The following CHMP7 variants were observed in gnomAD, a reference collection of about 807,000 sequenced individuals.
The protein encoded by CHMP7 is CHMP family, member 7.
CHMP7 carries 15 observed loss-of-function variants against 53.7 expected under a neutral mutation model. That is an observed-to-expected ratio of 0.28 (90% confidence interval 0.19 to 0.43). CHMP7 has a LOEUF of 0.43. CHMP7 is among the 20% of genes least tolerant of loss of function. The probability of loss-of-function intolerance (pLI) is 1.00; values close to 1 mark genes in which losing one functional copy is unlikely to be tolerated. For missense variants in CHMP7, 527 were observed against 569.4 expected (o/e 0.93, Z 0.76); for synonymous variants, 261 against 228.0 (o/e 1.14, Z -1.30).
chr8:23,248,487 GC>G (rs2128857010), intron 2 of CHMP7, among the ~76,000 whole-genome samples: 1 of 152,324 alleles, frequency 6.6e-6, no homozygotes, highest in African/African-American at 2.4e-5. Context: ...TTGAGGGCCG[GC>G]TGGCCTAGGC....
Position 23,260,181 on chromosome 8 carries a change from C to T in CHMP7, c.1158C>T (p.Ile386=), listed in dbSNP as rs1802327194. The T allele has an allele frequency of 6.2e-7, 1 of 1,614,138 alleles. No individual in the cohort carries two copies. The highest frequency in any genetic ancestry group is 8.5e-7 in the Non-Finnish European group (1 of 1,179,988). Residue 386 remains isoleucine (I), a synonymous_variant, in exon 10 of 11, where the codon ATC becomes ATT. Transcript: ENST00000397677. Reference sequence around the variant, plus strand: ...AAGAACTGGAGAAGGAATTGGACATCCTCCTTCAGGATACCACCAAAGAAC... The same window carrying T: ...AAGAACTGGAGAAGGAATTGGACATTCTCCTTCAGGATACCACCAAAGAAC... ...DSEELEKELD[I]LLQDTTKEPL... is the part of the protein sequence containing the mutation.
At chr8:23,244,988 A>T (rs1228946008) in intron 1 of CHMP7, among the ~76,000 whole-genome samples, 1 of 152,132 alleles carries the variant, frequency 6.6e-6, no homozygotes, top group Non-Finnish European at 1.5e-5. Context: ...TGTATCTGCA[A>T]TCTTGTTCTC....
chr8:23,259,434 C>T (rs1317177410), intron 9 of CHMP7, among the ~76,000 whole-genome samples: 4 of 151,540 alleles, frequency 2.6e-5, no homozygotes, highest in Admixed American at 6.6e-5. Context: ...ATTCTCGGCT[C>T]GCTGCAACCT....
chr8:23,246,604 G>C lies in CHMP7; in HGVS notation c.-92G>C. ...GGCGGTGACGTGTGAACGAGAAGGA[G>C]GTGGTCAAGGAACGGAAGCCGGGAG... On this transcript the variant is annotated 5_prime_UTR_variant, in exon 2 of 11. Coordinates refer to ENST00000397677, the MANE Select transcript of CHMP7 (RefSeq NM_152272.5). 1 of 1,074,848 alleles carries C rather than the reference G, an allele frequency of 9.3e-7. No individual in the cohort carries two copies. The highest frequency in any genetic ancestry group is 2.5e-5 in the Admixed American group (1 of 40,046). 66.6% of individuals were successfully genotyped at this position (1,074,848 alleles called of 1,614,324 possible).
rs553563631 is a variant in CHMP7, at chr8:23,246,944, C to T, written c.249C>T (p.Arg83=). Residue 83 remains arginine, a synonymous_variant, in exon 2 of 11, where the codon CGC becomes CGT. Coordinates refer to ENST00000397677, the MANE Select transcript of CHMP7 (RefSeq NM_152272.5). Reference sequence around the variant, plus strand: ...GGGACTTGCAGGAGGCCTTTCAGCGCAAGGGGAGCGTCCCGCTGGGGCTGG... The same window carrying T: ...GGGACTTGCAGGAGGCCTTTCAGCGTAAGGGGAGCGTCCCGCTGGGGCTGG... ...RLRDLQEAFQ[R]KGSVPLGLAT... is the part of the protein sequence containing the mutation. 5 of 1,554,710 alleles carry T rather than the reference C, an allele frequency of 3.2e-6. No individual in the cohort carries two copies. Among genetic ancestry groups the T allele is most frequent in the Non-Finnish European group, 4.3e-6 (5 of 1,152,054 alleles).
At chr8:23,244,800 T>C (rs1417390611) in intron 1 of CHMP7, among the ~76,000 whole-genome samples, 4 of 152,220 alleles carry the variant, frequency 2.6e-5, no homozygotes, top group African/African-American at 9.6e-5. Context: ...ATTTAGTCCT[T>C]CATAGATTTC....
At chr8:23,255,534 A>G (rs1585312327) in intron 4 of CHMP7, 102 bp downstream of exon 4, 1 of 1,034,060 alleles carries the variant, frequency 9.7e-7, no homozygotes, top group African/African-American at 1.6e-5. Flanking sequence ...AGTTTCAGTA[A>G]CCTGCCGTCA....
intron 9 of CHMP7, among the ~76,000 whole-genome samples, chr8:23,259,334 A>C (rs1464911595): frequency 1.4e-5 from 2 of 145,858 alleles, no homozygotes. Flanking sequence ...ATGCCCGGCT[A>C]ATTTTTTGTA....
chr8:23,260,545 C>A lies in CHMP7; in HGVS notation c.1308C>A (p.Val436=). 1 of 1,614,016 alleles carries A rather than the reference C, an allele frequency of 6.2e-7. No individual in the cohort carries two copies. Among genetic ancestry groups the A allele is most frequent in the African/African-American group, 1.3e-5 (1 of 75,020 alleles). The part of the protein sequence containing the change: ...EKLSLSEGGL[V]PSSKSPKRQL... ...CATTTCTTTGCCTTGCAGGTTTGGT[C>A]CCAAGCAGTAAATCTCCAAAAAGGC... Residue 436 remains valine, a synonymous_variant, in exon 11 of 11, where the codon GTC becomes GTA. Coordinates refer to ENST00000397677, the MANE Select transcript of CHMP7 (RefSeq NM_152272.5).
In CHMP7 at chr8:23,258,787, T is replaced by C. The variant is rs1802243356; in HGVS notation, c.1016T>C (p.Val339Ala). The change falls in exon 8 of 11, where the codon GTC becomes GCC. Residue 339 changes from valine to alanine, a missense_variant. Transcript: ENST00000397677. ...GCACTCAAACTCTCCATGAAGGATG[T>C]CACAGTGGAGAAGGCAGAGAGCCTC... ...VGALKLSMKD[V>A]TVEKAESLVD... is the part of the protein sequence containing the mutation. 2 of 1,613,618 alleles carry C rather than the reference T, an allele frequency of 1.2e-6. No individual in the cohort carries two copies. Among genetic ancestry groups the C allele is most frequent in the African/African-American group, 2.7e-5 (2 of 74,860 alleles).
At chr8:23,249,440 G>A (rs887879321) in intron 3 of CHMP7, 59 bp downstream of exon 3, 28 of 1,362,970 alleles carry the variant, frequency 2.1e-5, no homozygotes, top group East Asian at 1.5e-4. Context: ...CATCCTCCAC[G>A]TCCCTTGTGT....
intron 2 of CHMP7, 88 bp downstream of exon 2, chr8:23,247,082 C>A: frequency 7.7e-7 from 1 of 1,295,446 alleles, no homozygotes; most frequent in South Asian, 1.6e-5. Context: ...CTGCACAGCG[C>A]ACTGCGCCCA....
At chr8:23,244,453 A>G (rs888161684) in intron 1 of CHMP7, among the ~76,000 whole-genome samples, 2 of 152,136 alleles carry the variant, frequency 1.3e-5, no homozygotes, top group Non-Finnish European at 2.9e-5. Context: ...AGTTGACTGT[A>G]TTTACATGTG....
rs775480040 is a variant in CHMP7, at chr8:23,258,052, C to T, written c.811C>T (p.Arg271Trp). Residue 271 changes from arginine (R) to tryptophan (W), a missense_variant, in exon 6 of 11, where the codon CGG becomes TGG. Arg to Trp is a moderately radical substitution (Grantham distance 101). Transcript: ENST00000397677. ...TTCCAGGTGTAAAGAAGAAGCCCGC[C>T]GGGCATGCCGAGCAGGAAAGAAGCA... ...EAERCKEEAR[R>W]ACRAGKKQLA... is the part of the protein sequence containing the mutation. 26 of 1,613,096 alleles carry T rather than the reference C, an allele frequency of 1.6e-5. No individual in the cohort carries two copies. The highest frequency in any genetic ancestry group is 5.5e-5 in the South Asian group (5 of 91,022).
Position 23,258,749 on chromosome 8 carries a change from G to A in CHMP7, c.978G>A (p.Gln326=). 6.2e-7 allele frequency: 1 copy of A among 1,612,260 alleles called. No homozygotes were observed. Among genetic ancestry groups the A allele is most frequent in the Non-Finnish European group, 8.5e-7 (1 of 1,178,390 alleles). Residue 326 remains glutamine, a synonymous_variant, in exon 8 of 11, where the codon CAG becomes CAA. Transcript: ENST00000397677. The stretch of plus-strand genomic sequence containing the variant: ...GTCTTTAGGTTTTTAACGCCTACCA[G>A]GCTGGGGTAGGAGCACTCAAACTCT... ...QTDQMVFNAY[Q]AGVGALKLSM...
chr8:23,260,971 C>A lies in CHMP7; in HGVS notation c.*372C>A. On this transcript the variant is annotated 3_prime_UTR_variant, in exon 11 of 11. Coordinates refer to ENST00000397677, the MANE Select transcript of CHMP7 (RefSeq NM_152272.5). ...ATTTGCAGCTTTGCCAAATCTGAAT[C>A]AGTTCCCACTCCCCCCTGCGGTTTT... 1 of 284,746 alleles carries A rather than the reference C, an allele frequency of 3.5e-6. No individual in the cohort carries two copies. The highest frequency in any genetic ancestry group is 6.1e-5 in the South Asian group (1 of 16,318). The allele number at this position is 284,746 out of a possible 1,614,324, so 17.6% of individuals were successfully genotyped here. A position where few individuals can be genotyped will look rare whatever the true frequency, so the allele number is the denominator to read the frequency against.
At chr8:23,247,935 G>C (rs1387290233) in intron 2 of CHMP7, 12 of 326,000 alleles carry the variant, frequency 3.7e-5, no homozygotes, top group Non-Finnish European at 7.3e-5. Flanking sequence ...TTTTTTTTTA[G>C]TTTGCTGCTC....
chr8:23,249,181 C>T, intron 2 of CHMP7, 29 bp from the exon 3 acceptor site: 2 of 1,546,476 alleles, frequency 1.3e-6, no homozygotes, highest in South Asian at 1.3e-5. Flanking sequence ...TTAAGTGCTA[C>T]TACACGCCCT....
chr8:23,248,485 C>T (rs972985143), intron 2 of CHMP7, among the ~76,000 whole-genome samples: 6 of 152,176 alleles, frequency 3.9e-5, no homozygotes, highest in Non-Finnish European at 7.3e-5. Context: ...GCTTGAGGGC[C>T]GGCTGGCCTA....
Sources: gnomAD v4.1 joint callset for allele counts (sites outside exome capture counted in the v4.1 genomes callset) on GRCh38, gnomAD v4.1.1 for gene constraint, MANE v1.5 for transcripts, NCBI Gene and HGNC (gene_info 2026-07-23, HGNC 2026-07-21) for gene names.